HIVEP3: variants seen among roughly 807,000 people sequenced by gnomAD.
HIVEP3 encodes the protein HIVEP zinc finger 3.
In HIVEP3, 49 loss-of-function variants were observed where a neutral mutation model predicts 152.8. That is an observed-to-expected ratio of 0.32 (90% CI 0.26 to 0.41). HIVEP3 has a LOEUF of 0.41. HIVEP3 is among the 10% of genes least tolerant of loss of function. HIVEP3 has a pLI of 1.00. For synonymous variants in HIVEP3, 1,269 were observed against 1,289.0 expected, an observed-to-expected ratio of 0.98 and a Z score of 0.33; for missense variants, 2,790 against 3,103.3, an observed-to-expected ratio of 0.90 and a Z score of 2.40.
rs543202125 is a variant in HIVEP3, at chr1:41,967,537, A to G, written n.120-49013T>C. ...CAATGTACCAGAATCTCTGGAATGC[A>G]GCTAAAGCAGTGTTTAGAGAGAAAT... On this transcript the variant is annotated intron_variant and non_coding_transcript_variant, in intron 1 of 3. Coordinates refer to the HIVEP3 transcript ENST00000489103. Among the ~76,000 whole-genome samples, 5 of 152,362 alleles carry G rather than the reference A, an allele frequency of 3.3e-5. No homozygotes were observed. The South Asian group carries it at 8.3e-4, about 25-fold the overall frequency.
chr1:41,700,160 T>C (rs1414796178), intron 2 of HIVEP3, among the ~76,000 whole-genome samples: 3 of 152,178 alleles, frequency 2.0e-5, no homozygotes, highest in Admixed American at 1.3e-4. Flanking sequence ...TGCTGTTCTG[T>C]GGCTATTTGC....
chr1:41,676,110 G>GGCACCATCTCGGCTCACT (rs1553247212), intron 2 of HIVEP3, among the ~76,000 whole-genome samples: 1 of 151,728 alleles, frequency 6.6e-6, no homozygotes, highest in African/African-American at 2.4e-5. Flanking sequence ...GGAGTGCAGT[G>GGCACCATCTCGGCTCACT]GCACCATCTC....
chr1:41,765,690 T>C (rs1647965272), intron 1 of HIVEP3, among the ~76,000 whole-genome samples: 2 of 152,234 alleles, frequency 1.3e-5, no homozygotes, highest in African/African-American at 4.8e-5. Context: ...AGGTCTACCC[T>C]ATATATTATC....
chr1:41,741,316 GC>G (rs1646993261), intron 1 of HIVEP3, among the ~76,000 whole-genome samples: 1 of 152,206 alleles, frequency 6.6e-6, no homozygotes, highest in Admixed American at 6.5e-5. Flanking sequence ...GAACCAAGAG[GC>G]AGGTGTGGAG....
chr1:41,686,876 C>T (rs1425566089), intron 2 of HIVEP3, among the ~76,000 whole-genome samples: 1 of 152,178 alleles, frequency 6.6e-6, no homozygotes, highest in Admixed American at 6.5e-5. Flanking sequence ...AGAATGGATT[C>T]ATTCACTCCA....
chr1:41,663,876 G>A (rs1255342512), intron 2 of HIVEP3, among the ~76,000 whole-genome samples: 1 of 151,996 alleles, frequency 6.6e-6, no homozygotes, highest in African/African-American at 2.4e-5. Context: ...CAGCTCCCAG[G>A]GCCCAATCCC....
At chr1:41,718,637 T>C (rs1278925394) in intron 1 of HIVEP3, among the ~76,000 whole-genome samples, 1 of 151,978 alleles carries the variant, frequency 6.6e-6, no homozygotes, top group Admixed American at 6.5e-5. Context: ...GGAATAAGGG[T>C]TGTTTCACTC....
chr1:41,733,308 C>T (rs1646869651), intron 1 of HIVEP3, among the ~76,000 whole-genome samples: 1 of 152,212 alleles, frequency 6.6e-6, no homozygotes, highest in South Asian at 2.1e-4. Flanking sequence ...CGAGTGCTGA[C>T]AGCCAATGTC....
At chr1:41,632,374 A>G (rs185019986) in intron 2 of HIVEP3, among the ~76,000 whole-genome samples, 6 of 152,318 alleles carry the variant, frequency 3.9e-5, no homozygotes, top group Admixed American at 1.3e-4. Context: ...GGGGTAGTCA[A>G]TTTTGATGGT....
chr1:41,959,474 T>G (rs1233988668), intron 1 of HIVEP3, among the ~76,000 whole-genome samples: 1 of 152,186 alleles, frequency 6.6e-6, no homozygotes, highest in Non-Finnish European at 1.5e-5. Context: ...CACATGACCA[T>G]GTGATCCACT....
chr1:41,846,183 T>C (rs752925973), intron 1 of HIVEP3, among the ~76,000 whole-genome samples: 1 of 152,230 alleles, frequency 6.6e-6, no homozygotes, highest in Non-Finnish European at 1.5e-5. Context: ...GTCACTAGAA[T>C]GCTGTCAGCC....
intron 7 of HIVEP3, among the ~76,000 whole-genome samples, chr1:41,517,125 C>T (rs1039105356): frequency 1.3e-5 from 2 of 152,228 alleles, no homozygotes; most frequent in Non-Finnish European, 2.9e-5. Flanking sequence ...TCCTCGTTTG[C>T]TCCACTGGGA....
chr1:41,882,440 T>C (rs1644277551), intron 1 of HIVEP3, among the ~76,000 whole-genome samples: 1 of 152,124 alleles, frequency 6.6e-6, no homozygotes, highest in Non-Finnish European at 1.5e-5. Flanking sequence ...ATCCCAGCAC[T>C]AGACAGAAGG....
At chr1:41,879,586 T>C (rs960797496) in intron 1 of HIVEP3, among the ~76,000 whole-genome samples, 1 of 152,218 alleles carries the variant, frequency 6.6e-6, no homozygotes, top group Non-Finnish European at 1.5e-5. Flanking sequence ...CCTGGTCTAG[T>C]GGTACTGCCT....
At chr1:41,528,075 C>A (rs1185924806) in intron 5 of HIVEP3, among the ~76,000 whole-genome samples, 4 of 123,494 alleles carry the variant, frequency 3.2e-5, no homozygotes, top group African/African-American at 1.3e-4. Flanking sequence ...CACACTCATA[C>A]CCTTGCCCTC....
intron 1 of HIVEP3, among the ~76,000 whole-genome samples, chr1:41,755,574 T>C (rs1295333318): frequency 6.7e-6 from 1 of 148,670 alleles, no homozygotes; most frequent in Admixed American, 6.7e-5. Flanking sequence ...GACTCATATC[T>C]AGAACATACA....
intron 1 of HIVEP3, among the ~76,000 whole-genome samples, chr1:41,752,968 C>A (rs1033429789): frequency 6.6e-6 from 1 of 152,234 alleles, no homozygotes; most frequent in Admixed American, 6.5e-5. Flanking sequence ...CTGGCTACAT[C>A]GCTGGGCACT....
At position 41,508,106 on chromosome 1, in the gene HIVEP3, G is replaced by C. The variant is rs1644402335; in HGVS notation, c.*2345C>G. 6.6e-6 allele frequency: 1 copy of C among 152,406 alleles called. No homozygotes were observed. Among genetic ancestry groups the C allele is most frequent in the South Asian group, 2.1e-4 (1 of 4,834 alleles). The allele number at this position is 152,406 out of a possible 1,614,324, so 9.4% of individuals were successfully genotyped here. On this transcript the variant is annotated 3_prime_UTR_variant, in exon 9 of 9. Transcript: ENST00000372583. ...AGTACAGGGAGAAAAATGCCCAGGA[G>C]AGCTGGAAGGCAGGGTGGGGTGGAG...
intron 2 of HIVEP3, among the ~76,000 whole-genome samples, chr1:41,683,521 A>G (rs751421731): frequency 2.0e-4 from 30 of 152,230 alleles, no homozygotes; most frequent in Non-Finnish European, 4.3e-4. Context: ...GTCCTTAGGG[A>G]TAAGTTTTAT....
Sources: allele counts gnomAD v4.1 joint callset (sites outside exome capture counted in the v4.1 genomes callset), GRCh38; gene constraint gnomAD v4.1.1; transcripts MANE v1.5; gene names NCBI Gene and HGNC (gene_info 2026-07-23, HGNC 2026-07-21).